Variants in SPAG16 observed in about 807,000 individuals in gnomAD.
SPAG16 encodes the protein sperm-associated antigen 16 protein.
A neutral mutation model predicts 80.4 loss-of-function variants in SPAG16; 86 were observed. The observed-to-expected ratio is 1.07, with a 90% CI of 0.90 to 1.28. The LOEUF (loss-of-function observed/expected upper bound fraction) is 1.28, where lower values mean the gene tolerates loss of function less well. Ranked by LOEUF, SPAG16 falls within the 50% of genes most tolerant of loss-of-function variation. The pLI, the probability that SPAG16 is intolerant of heterozygous loss-of-function variation, is 0.00. For synonymous variants in SPAG16, 294 were observed against 265.9 expected (o/e 1.11, Z -1.03); for missense variants, 870 against 765.3 (o/e 1.14, Z -1.61).
At chr2:213,792,786 C>T (rs2070785892) in intron 10 of SPAG16, among the ~76,000 whole-genome samples, 1 of 151,670 alleles carries the variant, frequency 6.6e-6, no homozygotes, top group South Asian at 2.1e-4. Context: ...CAGTGTCTAG[C>T]TGCCACATCT....
At chr2:213,779,586 C>T (rs1407431363) in intron 10 of SPAG16, among the ~76,000 whole-genome samples, 3 of 152,134 alleles carry the variant, frequency 2.0e-5, no homozygotes, top group African/African-American at 4.8e-5. Context: ...GCTCCTTCAA[C>T]TATAAAAAAA....
At chr2:214,221,707 A>T (rs2058574817) in intron 15 of SPAG16, among the ~76,000 whole-genome samples, 1 of 152,216 alleles carries the variant, frequency 6.6e-6, no homozygotes, top group Non-Finnish European at 1.5e-5. Flanking sequence ...ACACAGACAA[A>T]AATGGCTTTA....
intron 15 of SPAG16, among the ~76,000 whole-genome samples, chr2:214,382,465 T>C (rs972396674): frequency 2.0e-5 from 3 of 152,234 alleles, no homozygotes; most frequent in Admixed American, 1.3e-4. Context: ...AGTACGTTTA[T>C]AACTCATGGC....
intron 13 of SPAG16, among the ~76,000 whole-genome samples, chr2:214,057,095 T>G (rs777503680): frequency 6.6e-6 from 1 of 152,092 alleles, no homozygotes; most frequent in Non-Finnish European, 1.5e-5. Context: ...TGGAATAAAT[T>G]CCTTCCAAAC....
At chr2:214,285,004 G>T (rs1181997064) in intron 15 of SPAG16, among the ~76,000 whole-genome samples, 1 of 152,092 alleles carries the variant, frequency 6.6e-6, no homozygotes, top group Non-Finnish European at 1.5e-5. Context: ...AAGTGAGATT[G>T]TTGGCTCTAT....
intron 15 of SPAG16, among the ~76,000 whole-genome samples, chr2:214,161,407 A>G (rs2056431090): frequency 6.6e-6 from 1 of 152,146 alleles, no homozygotes; most frequent in South Asian, 2.1e-4. Context: ...GAACTTATTT[A>G]CATTCCCACC....
chr2:213,770,624 C>A (rs1476193057), intron 10 of SPAG16, among the ~76,000 whole-genome samples: 1 of 152,086 alleles, frequency 6.6e-6, no homozygotes, highest in Non-Finnish European at 1.5e-5. Flanking sequence ...CCTAACACCC[C>A]CTTGACAGGC....
At chr2:213,662,379 G>A (rs79407203) in intron 10 of SPAG16, among the ~76,000 whole-genome samples, 7,181 of 152,206 alleles carry the variant, frequency 0.047, 558 homozygotes, top group African/African-American at 0.16. Context: ...AAGAAGGCCA[G>A]TGTGGAAAAA....
intron 12 of SPAG16, among the ~76,000 whole-genome samples, chr2:213,991,927 G>A (rs1041290481): frequency 3.3e-5 from 5 of 151,650 alleles, no homozygotes; most frequent in African/African-American, 1.2e-4. Context: ...CTGCTGTCAT[G>A]TAGTGGGTGC....
intron 14 of SPAG16, among the ~76,000 whole-genome samples, chr2:214,138,834 G>C (rs79589120): frequency 1.3e-5 from 2 of 152,110 alleles, no homozygotes; most frequent in Admixed American, 6.6e-5. Flanking sequence ...ACCTGAGCCA[G>C]ATTCCTACCC....
intron 9 of SPAG16, among the ~76,000 whole-genome samples, chr2:213,380,775 T>C (rs72939053): frequency 0.22 from 33,495 of 152,178 alleles, 4,533 homozygotes; most frequent in Non-Finnish European, 0.31. Flanking sequence ...GGAGGCAGCA[T>C]TGGATCTGCT....
intron 15 of SPAG16, among the ~76,000 whole-genome samples, chr2:214,282,915 C>T (rs1693062761): frequency 6.6e-6 from 1 of 152,034 alleles, no homozygotes; most frequent in Non-Finnish European, 1.5e-5. Context: ...GAAGCCTTTA[C>T]CTTCGACTGA....
chr2:213,878,638 T>G (rs983582806), intron 11 of SPAG16, among the ~76,000 whole-genome samples: 2 of 152,204 alleles, frequency 1.3e-5, no homozygotes, highest in African/African-American at 4.8e-5. Context: ...TATGTTTCTG[T>G]GCAGAAGCTT....
At chr2:213,601,669 A>G (rs954832763) in intron 10 of SPAG16, among the ~76,000 whole-genome samples, 2 of 152,230 alleles carry the variant, frequency 1.3e-5, no homozygotes, top group African/African-American at 4.8e-5. Flanking sequence ...AATGTATATG[A>G]CAGTGGTCCC....
chr2:213,791,531 A>G (rs1423034202), intron 10 of SPAG16, among the ~76,000 whole-genome samples: 1 of 152,166 alleles, frequency 6.6e-6, no homozygotes, highest in African/African-American at 2.4e-5. Flanking sequence ...AGAGCATTAA[A>G]CCATGTAAAA....
intron 15 of SPAG16, among the ~76,000 whole-genome samples, chr2:214,327,911 T>C (rs1259966066): frequency 1.3e-5 from 2 of 152,204 alleles, no homozygotes; most frequent in Non-Finnish European, 2.9e-5. Flanking sequence ...GGTTAATAAG[T>C]CACTTATCTA....
At chr2:213,936,660 C>T (rs944441057) in intron 12 of SPAG16, among the ~76,000 whole-genome samples, 1 of 152,192 alleles carries the variant, frequency 6.6e-6, no homozygotes, top group Non-Finnish European at 1.5e-5. Flanking sequence ...TGACCTGTTA[C>T]ATTTTCATAC....
intron 15 of SPAG16, among the ~76,000 whole-genome samples, chr2:214,264,874 T>G (rs1047047798): frequency 1.3e-5 from 2 of 152,190 alleles, no homozygotes; most frequent in African/African-American, 2.4e-5. Flanking sequence ...TTTGGAATTA[T>G]ATAGTTTGTG....
intron 15 of SPAG16, among the ~76,000 whole-genome samples, chr2:214,187,710 C>T (rs568589556): frequency 1.8e-5 from 2 of 113,950 alleles, no homozygotes; most frequent in South Asian, 2.8e-4. Flanking sequence ...AAGACAAATC[C>T]GCCTAACCAA....
Sources: allele counts gnomAD v4.1 joint callset (sites outside exome capture counted in the v4.1 genomes callset), GRCh38; gene constraint gnomAD v4.1.1; transcripts MANE v1.5; gene names NCBI Gene and HGNC (gene_info 2026-07-23, HGNC 2026-07-21).